EIF2AK1: variants seen among roughly 807,000 people sequenced by gnomAD.
EIF2AK1 encodes the protein eukaryotic translation initiation factor 2 alpha kinase 1, also known as eukaryotic translation initiation factor 2-alpha kinase 1.
In EIF2AK1, 54 loss-of-function variants were observed where a neutral mutation model predicts 77.9. The ratio of observed to expected loss-of-function variants is 0.69; its 90% CI spans 0.56 to 0.87. EIF2AK1 has a LOEUF of 0.87. Ranked by LOEUF, EIF2AK1 falls within the 40% of genes least tolerant of loss-of-function variation. The pLI is 0.00. For missense variants in EIF2AK1, 810 were observed against 768.6 expected (o/e 1.05, Z -0.64); for synonymous variants, 314 against 290.5 (o/e 1.08, Z -0.82).
At position 6,036,379 on chromosome 7, in the gene EIF2AK1, C is replaced by T. The variant is rs917652723; in HGVS notation, c.1332+1045G>A. 1.4e-6 allele frequency: 2 copies of T among 1,472,744 alleles called. No individual in the cohort carries two copies. The highest frequency in any genetic ancestry group is 1.4e-5 in the African/African-American group (1 of 70,600). 91.2% of individuals were successfully genotyped at this position (1,472,744 alleles called of 1,614,324 possible). A position where few individuals can be genotyped will look rare whatever the true frequency, so the allele number is the denominator to read the frequency against. Reference sequence around the variant, plus strand: ...TACTGCTGTTATGACTTGGCATATACCTCTTGAAATAAGACCTCCCAGTTT... The same window carrying T: ...TACTGCTGTTATGACTTGGCATATATCTCTTGAAATAAGACCTCCCAGTTT... On this transcript the variant is annotated intron_variant, in intron 11 of 14. Coordinates refer to ENST00000199389, the MANE Select transcript of EIF2AK1 (RefSeq NM_014413.4). The surrounding 1 kb of genome is among the most constrained non-coding windows in gnomAD (Gnocchi z 4.6).
At chr7:6,041,980 C>G (rs534143023) in intron 8 of EIF2AK1, among the ~76,000 whole-genome samples, 1 of 152,216 alleles carries the variant, frequency 6.6e-6, no homozygotes, top group East Asian at 1.9e-4. Flanking sequence ...AAAACCCCAT[C>G]TCTACAAAAA....
At position 6,028,701 on chromosome 7, in the gene EIF2AK1, T is replaced by C; in HGVS notation, c.1448-4A>G. ...CTGGACGTATGTGTTGGTGTTCCTA[T>C]CATTTCAAAAGCCACATATTAAACA... is the stretch of plus-strand genomic sequence containing the variant. On this transcript the variant is annotated splice_polypyrimidine_tract_variant and splice_region_variant and intron_variant, in intron 12 of 14. Coordinates refer to ENST00000199389, the MANE Select transcript of EIF2AK1 (RefSeq NM_014413.4). 4 of 1,614,076 alleles carry C rather than the reference T, an allele frequency of 2.5e-6. No individual in the cohort carries two copies. Among genetic ancestry groups the C allele is most frequent in the Non-Finnish European group, 3.4e-6 (4 of 1,179,902 alleles).
chr7:6,041,065 A>G lies in EIF2AK1; in HGVS notation c.946T>C (p.Ser316Pro). 2 of 1,614,042 alleles carry G rather than the reference A, an allele frequency of 1.2e-6. No individual in the cohort carries two copies. Among genetic ancestry groups the G allele is most frequent in the Non-Finnish European group, 8.5e-7 (1 of 1,179,990 alleles). ...KYTTNLVIRE[S>P]GELESTLELQ... is the part of the protein sequence containing the mutation. The stretch of plus-strand genomic sequence containing the variant: ...TCCAGGGTCGACTCAAGTTCACCAG[A>G]TTCTCTTATGACTAAATTGGTGGTG... Residue 316 changes from serine (S) to proline (P), a missense_variant, in exon 9 of 15, where the codon TCT (serine) becomes CCT (proline). Around this residue, in one of 3 missense-constraint regions of EIF2AK1, gnomAD observed 549 missense variants for 533.7 expected, o/e 1.03. Transcript: ENST00000199389.
chr7:6,023,601 C>T lies in EIF2AK1; in HGVS notation c.*1072G>A. Reference sequence around the variant, plus strand: ...CTGTACTCCAGCAGATCGGAGGCTGCAGTGTGACAGTGCCAGCCAATGTGC... The same window carrying T: ...CTGTACTCCAGCAGATCGGAGGCTGTAGTGTGACAGTGCCAGCCAATGTGC... On this transcript the variant is annotated 3_prime_UTR_variant, in exon 15 of 15. Coordinates refer to ENST00000199389, the MANE Select transcript of EIF2AK1 (RefSeq NM_014413.4). The T allele has an allele frequency of 6.2e-7, 1 of 1,614,176 alleles. No individual in the cohort carries two copies. Among genetic ancestry groups the T allele is most frequent in the Non-Finnish European group, 8.5e-7 (1 of 1,180,026 alleles).
At position 6,035,728 on chromosome 7, in the gene EIF2AK1, C is replaced by T; in HGVS notation, c.1332+1696G>A. 2 of 1,550,944 alleles carry T rather than the reference C, an allele frequency of 1.3e-6. No homozygotes were observed. The highest frequency in any genetic ancestry group is 1.7e-6 in the Non-Finnish European group (2 of 1,147,102). On this transcript the variant is annotated intron_variant, in intron 11 of 14. Coordinates refer to ENST00000199389, the MANE Select transcript of EIF2AK1 (RefSeq NM_014413.4). This position sits in a 1 kb window ranked among gnomAD's most constrained non-coding sequence, Gnocchi z 5.5. ...GCCGATGTCAATGCTATTAATGAAGCCAGCATGACACCCCTTCACATGGCC... is the reference window on the plus strand; with the variant it reads ...GCCGATGTCAATGCTATTAATGAAGTCAGCATGACACCCCTTCACATGGCC...
rs765385581 is a variant in EIF2AK1 at position 6,027,819 on chromosome 7, C to G, written c.1530+796G>C. 2 of 345,148 alleles carry G rather than the reference C, an allele frequency of 5.8e-6. No homozygotes were observed. The highest frequency in any genetic ancestry group is 1.1e-5 in the Non-Finnish European group (2 of 174,294). The allele number at this position is 345,148 out of a possible 1,614,324, so 21.4% of individuals were successfully genotyped here. On this transcript the variant is annotated intron_variant, in intron 13 of 14. Coordinates refer to ENST00000199389, the MANE Select transcript of EIF2AK1 (RefSeq NM_014413.4). This position sits in a 1 kb window ranked among gnomAD's most constrained non-coding sequence, Gnocchi z 4.5. ...AGAGGTTCATGCCTTAATCCCAGCACTTTGGGAGGCCAAGGGAGGAGAATC... is the reference window on the plus strand; with the variant it reads ...AGAGGTTCATGCCTTAATCCCAGCAGTTTGGGAGGCCAAGGGAGGAGAATC...
At position 6,022,372 on chromosome 7, in the gene EIF2AK1, A is replaced by C. The variant is rs1186422916; in HGVS notation, c.*2301T>G. The C allele has an allele frequency of 6.6e-6, 1 of 152,240 alleles. No individual in the cohort carries two copies. Among genetic ancestry groups the C allele is most frequent in the Non-Finnish European group, 1.5e-5 (1 of 68,048 alleles). The allele number at this position is 152,240 out of a possible 1,614,324, so 9.4% of individuals were successfully genotyped here. A position where few individuals can be genotyped will look rare whatever the true frequency, so the allele number is the denominator to read the frequency against. The stretch of plus-strand genomic sequence containing the variant: ...ATGAATAGTAGGCTATTAGTGCTTA[A>C]GTTTTGAAGGAGTCAGAAGTTTTAT... On this transcript the variant is annotated 3_prime_UTR_variant, in exon 15 of 15. Coordinates refer to ENST00000199389, the MANE Select transcript of EIF2AK1 (RefSeq NM_014413.4).
rs1418034441 is a variant in EIF2AK1, at chr7:6,023,459, T to C, written c.*1214A>G. On this transcript the variant is annotated 3_prime_UTR_variant, in exon 15 of 15. Coordinates refer to ENST00000199389, the MANE Select transcript of EIF2AK1 (RefSeq NM_014413.4). ...TGGGTAGATATTGCGATTTTTCAGT[T>C]AAAAGAGGGAAGCAGTAAAGAAAAA... 11 of 1,614,004 alleles carry C rather than the reference T, an allele frequency of 6.8e-6. No homozygotes were observed. Among genetic ancestry groups the C allele is most frequent in the African/African-American group, 1.3e-5 (1 of 74,918 alleles).
chr7:6,024,565 A>G lies in EIF2AK1; in HGVS notation c.*108T>C. 1 of 1,542,810 alleles carries G rather than the reference A, an allele frequency of 6.5e-7. No individual in the cohort carries two copies. Among genetic ancestry groups the G allele is most frequent in the Non-Finnish European group, 8.7e-7 (1 of 1,151,068 alleles). On this transcript the variant is annotated 3_prime_UTR_variant, in exon 15 of 15. Coordinates refer to ENST00000199389, the MANE Select transcript of EIF2AK1 (RefSeq NM_014413.4). Reference sequence around the variant, plus strand: ...CTTGGGGCACTCTGACATCTTTAACAAGTCTTGTAAAGGCTTACTAAATAC... The same window carrying G: ...CTTGGGGCACTCTGACATCTTTAACGAGTCTTGTAAAGGCTTACTAAATAC...
intron 3 of EIF2AK1, 93 bp from the exon 4 acceptor site, chr7:6,048,937 A>C (rs890389366): frequency 9.1e-6 from 7 of 767,500 alleles, no homozygotes; most frequent in Non-Finnish European, 1.5e-5. Flanking sequence ...ACAACCCCAA[A>C]TGCATAAACA....
In EIF2AK1 at chr7:6,049,924, C is replaced by G. The variant is rs1242173671; in HGVS notation, c.399G>C (p.Glu133Asp). ...TTTTAGGGCTTACCTGACGAACTCTCTCTTTAGCAGACCTCATTAAGTGAG... is the reference window on the plus strand; with the variant it reads ...TTTTAGGGCTTACCTGACGAACTCTGTCTTTAGCAGACCTCATTAAGTGAG... ...AITHLMRSAK[E>D]RVRQDPCEDI... Residue 133 changes from glutamate to aspartate, a missense_variant, in exon 3 of 15, where the codon GAG (glutamate) becomes GAC (aspartate). By Grantham distance (45) the Glu-to-Asp change is conservative. Coordinates refer to ENST00000199389, the MANE Select transcript of EIF2AK1 (RefSeq NM_014413.4). 2 of 1,610,238 alleles carry G rather than the reference C, an allele frequency of 1.2e-6. No homozygotes were observed. The highest frequency in any genetic ancestry group is 1.1e-5 in the South Asian group (1 of 89,710).
chr7:6,028,136 G>A (rs1449599311), intron 13 of EIF2AK1: 2 of 335,852 alleles, frequency 6.0e-6, no homozygotes, highest in Non-Finnish European at 1.2e-5. Flanking sequence ...GCAACACAGA[G>A]TCTACTGAAA....
intron 1 of EIF2AK1, among the ~76,000 whole-genome samples, chr7:6,056,611 A>T (rs867565444): frequency 0.01 from 315 of 31,142 alleles, 9 homozygotes; most frequent in African/African-American, 0.027. Context: ...AAAAAAAAAA[A>T]AAATATATAT....
chr7:6,058,016 T>C, intron 1 of EIF2AK1: 2 of 383,406 alleles, frequency 5.2e-6, no homozygotes, highest in South Asian at 1.9e-5. Flanking sequence ...TCATCAAAAT[T>C]GTGGACTCTT....
intron 14 of EIF2AK1, among the ~76,000 whole-genome samples, chr7:6,025,745 C>T (rs574296139): frequency 6.6e-6 from 1 of 152,236 alleles, no homozygotes; most frequent in African/African-American, 2.4e-5. Flanking sequence ...AGTGACTGTC[C>T]TGCCTCAGCC....
chr7:6,037,667 G>A, intron 10 of EIF2AK1, 143 bp from the exon 11 acceptor site: 1 of 633,600 alleles, frequency 1.6e-6, no homozygotes, highest in African/African-American at 1.8e-5. Flanking sequence ...GCTGCAGAAT[G>A]GTCTAAAACC....
rs571176806 is a variant in EIF2AK1, at chr7:6,027,026, C to T, written c.1531-65G>A. 27 of 1,331,958 alleles carry T rather than the reference C, an allele frequency of 2.0e-5. 1 individual carries two copies. Among genetic ancestry groups the T allele is most frequent in the Middle Eastern group, 3.7e-4 (2 of 5,462 alleles). The allele number at this position is 1,331,958 out of a possible 1,614,324, so 82.5% of individuals were successfully genotyped here. On this transcript the variant is annotated intron_variant, in intron 13 of 14. Transcript: ENST00000199389. The surrounding 1 kb of genome is among the most constrained non-coding windows in gnomAD (Gnocchi z 4.5). ...AAAGTTAGAAGAACGTTTCCATTTC[C>T]GTGTTCCACCCTCCAAACAGGAGAG...
At position 6,038,593 on chromosome 7, in the gene EIF2AK1, T is replaced by G. The variant is rs762373974; in HGVS notation, c.1198A>C (p.Lys400Gln). Residue 400 changes from lysine (K) to glutamine (Q), a missense_variant, in exon 10 of 15, where the codon AAG becomes CAG. Lys to Gln is a moderately conservative substitution (Grantham distance 53, BLOSUM62 1). This residue lies in a region of EIF2AK1 where 549 missense variants were observed against 533.7 expected (regional missense o/e 1.03). Transcript: ENST00000199389. ...TCGTCCACATACTCCCGGCCCCGCT[T>G]GTTTCTCTCGACTATCCAATCCCAC... The part of the protein sequence containing the change: ...SLWDWIVERN[K>Q]RGREYVDESA... 6.2e-7 allele frequency: 1 copy of G among 1,612,934 alleles called. No individual in the cohort carries two copies. The highest frequency in any genetic ancestry group is 1.7e-5 in the Admixed American group (1 of 59,848).
In EIF2AK1 at chr7:6,054,679, C is replaced by A; in HGVS notation, c.144G>T (p.Gln48His). Residue 48 changes from glutamine (Q) to histidine (H), a missense_variant, in exon 2 of 15, where the codon CAG becomes CAT. Coordinates refer to ENST00000199389, the MANE Select transcript of EIF2AK1 (RefSeq NM_014413.4). Reference sequence around the variant, plus strand: ...GCTGTTGTAGGGGTTCTTTTAACACCTGGATTTCTGCTGGAACATCAGATT... The same window carrying A: ...GCTGTTGTAGGGGTTCTTTTAACACATGGATTTCTGCTGGAACATCAGATT... Reference protein sequence around the residue: ...YDESDVPAEIQVLKEPLQQPT... With the variant: ...YDESDVPAEIHVLKEPLQQPT... The A allele has an allele frequency of 6.2e-7, 1 of 1,613,948 alleles. No homozygotes were observed.
Sources: gnomAD v4.1 joint callset for allele counts (sites outside exome capture counted in the v4.1 genomes callset) on GRCh38, gnomAD v4.1.1 for gene constraint, gnomAD v4.1.1 regional missense constraint, Gnocchi (gnomAD v3.1) non-coding constraint, MANE v1.5 for transcripts, NCBI Gene and HGNC (gene_info 2026-07-23, HGNC 2026-07-21) for gene names.